Variants in DOCK10 observed in about 807,000 individuals in gnomAD.
DOCK10 encodes dedicator of cytokinesis protein 10.
In DOCK10, 145 loss-of-function variants were observed where a neutral mutation model predicts 280.1. The ratio of observed to expected loss-of-function variants is 0.52; its 90% CI spans 0.45 to 0.59. The LOEUF is 0.59. DOCK10 is among the 20% of genes least tolerant of loss of function. The probability of loss-of-function intolerance (pLI) is 0.00; values close to 1 mark genes in which losing one functional copy is unlikely to be tolerated. For synonymous variants in DOCK10, 915 were observed against 942.2 expected (o/e 0.97, Z 0.53); for missense variants, 2,368 against 2,651.7 (o/e 0.89, Z 2.35).
At chr2:224,785,636 A>G (rs1215812914) in intron 50 of DOCK10, among the ~76,000 whole-genome samples, 1 of 151,770 alleles carries the variant, frequency 6.6e-6, no homozygotes, top group South Asian at 2.1e-4. Flanking sequence ...GCCTGCCACC[A>G]CACCCGGCTA....
rs142217319 is a variant in DOCK10, at chr2:224,925,481, G to A, written c.243+6068C>T. On this transcript the variant is annotated intron_variant, in intron 2 of 55. Coordinates refer to ENST00000258390, the MANE Select transcript of DOCK10 (RefSeq NM_014689.3). ...ATTTGAGAAGATAATGAGACTCTTAGGTGACTGTAGTCATGTGACATAGAC... is the reference window on the plus strand; with the variant it reads ...ATTTGAGAAGATAATGAGACTCTTAAGTGACTGTAGTCATGTGACATAGAC... Among the ~76,000 whole-genome samples the A allele has an allele frequency of 4.2e-4, 64 of 152,300 alleles. 2 individuals carry two copies. Among genetic ancestry groups the A allele is most frequent in the Admixed American group, 1.8e-3 (28 of 15,298 alleles).
chr2:224,968,382 T>C (rs2126199054), intron 1 of DOCK10, among the ~76,000 whole-genome samples: 1 of 152,344 alleles, frequency 6.6e-6, no homozygotes, highest in African/African-American at 2.4e-5. Context: ...GTGTGGGGCC[T>C]GAGGAAGCTC....
At chr2:224,965,416 C>A (rs1032538008) in intron 1 of DOCK10, among the ~76,000 whole-genome samples, 1 of 152,206 alleles carries the variant, frequency 6.6e-6, no homozygotes, top group African/African-American at 2.4e-5. Context: ...CTGCAGTTAA[C>A]TTTTCTGCCT....
chr2:224,827,489 G>T (rs2125370483), intron 27 of DOCK10, among the ~76,000 whole-genome samples: 1 of 152,152 alleles, frequency 6.6e-6, no homozygotes, highest in South Asian at 2.1e-4. Flanking sequence ...CTGCTCACAG[G>T]TGTGTTTTGT....
At chr2:225,026,284 G>T (rs1018473886) in intron 1 of DOCK10, among the ~76,000 whole-genome samples, 1 of 152,206 alleles carries the variant, frequency 6.6e-6, no homozygotes, top group African/African-American at 2.4e-5. Context: ...AAGAACATTA[G>T]CAGCATTCTG....
At chr2:224,954,878 C>T (rs1370818587) in intron 1 of DOCK10, among the ~76,000 whole-genome samples, 2 of 152,170 alleles carry the variant, frequency 1.3e-5, no homozygotes, top group African/African-American at 4.8e-5. Flanking sequence ...GCATTCCGAG[C>T]TGAAGCAGAT....
At chr2:224,901,054 A>G (rs1046922586) in intron 3 of DOCK10, among the ~76,000 whole-genome samples, 1 of 152,200 alleles carries the variant, frequency 6.6e-6, no homozygotes, top group Non-Finnish European at 1.5e-5. Flanking sequence ...AAGCCAGTGC[A>G]TTTTACAAAC....
intron 47 of DOCK10, among the ~76,000 whole-genome samples, chr2:224,791,626 G>A (rs1338253929): frequency 1.5e-5 from 2 of 136,028 alleles, no homozygotes; most frequent in East Asian, 5.4e-4. Flanking sequence ...CACCACGCCC[G>A]GCTAATTTTT....
At chr2:224,922,593 T>C (rs1379050132) in intron 2 of DOCK10, among the ~76,000 whole-genome samples, 1 of 152,126 alleles carries the variant, frequency 6.6e-6, no homozygotes, top group Non-Finnish European at 1.5e-5. Context: ...TCAGACATCC[T>C]CCCTTGCAGC....
chr2:224,913,767 G>A (rs530101978), intron 3 of DOCK10, among the ~76,000 whole-genome samples: 6 of 151,492 alleles, frequency 4.0e-5, no homozygotes, highest in Admixed American at 6.6e-5. Flanking sequence ...TCCCTCTGTT[G>A]CCCAGGCTGG....
intron 1 of DOCK10, among the ~76,000 whole-genome samples, chr2:224,988,042 T>C (rs1423698601): frequency 2.6e-5 from 4 of 152,144 alleles, no homozygotes; most frequent in African/African-American, 4.8e-5. Context: ...AAGACCAACA[T>C]AGAGCCTGGC....
chr2:224,887,627 T>C (rs1231789347), intron 4 of DOCK10, among the ~76,000 whole-genome samples: 1 of 152,178 alleles, frequency 6.6e-6, no homozygotes, highest in Non-Finnish European at 1.5e-5. Flanking sequence ...TAAACTCCCA[T>C]GTATAAAAAT....
chr2:224,839,444 A>G (rs1416255126), intron 24 of DOCK10, among the ~76,000 whole-genome samples: 1 of 152,084 alleles, frequency 6.6e-6, no homozygotes, highest in Non-Finnish European at 1.5e-5. Flanking sequence ...CCTAAACTAG[A>G]GACACTCCAA....
chr2:224,874,427 C>A, intron 9 of DOCK10, 78 bp from the exon 10 acceptor site: 1 of 1,154,468 alleles, frequency 8.7e-7, no homozygotes, highest in Non-Finnish European at 1.3e-6. Flanking sequence ...GGCCAAGAAG[C>A]AGCCCCTTAG....
chr2:224,867,491 T>C (rs1018292944), intron 11 of DOCK10, among the ~76,000 whole-genome samples: 1 of 152,158 alleles, frequency 6.6e-6, no homozygotes, highest in Admixed American at 6.5e-5. Context: ...GTGGCTTTCC[T>C]CTTAACCTCT....
intron 1 of DOCK10, among the ~76,000 whole-genome samples, chr2:225,035,545 TATATATATATATATATATATATA>T (rs1690205449): frequency 2.6e-4 from 3 of 11,512 alleles, no homozygotes; most frequent in Admixed American, 7.3e-4. Context: ...ATATATATTA[TATATATATATATATATATATATA>T]TATATATATA....
In DOCK10 at chr2:224,774,899, A is replaced by T; in HGVS notation, c.6013+6T>A. On this transcript the variant is annotated splice_donor_region_variant and intron_variant, in intron 52 of 55. Coordinates refer to ENST00000258390, the MANE Select transcript of DOCK10 (RefSeq NM_014689.3). Reference sequence around the variant, plus strand: ...CCACATGTGTGGCCCGGCTACCTGCACCTACTTGTCAGGATCGTCCGCCGC... The same window carrying T: ...CCACATGTGTGGCCCGGCTACCTGCTCCTACTTGTCAGGATCGTCCGCCGC... The T allele has an allele frequency of 1.9e-6, 3 of 1,580,928 alleles. No homozygotes were observed. Among genetic ancestry groups the T allele is most frequent in the Non-Finnish European group, 2.6e-6 (3 of 1,162,678 alleles).
intron 1 of DOCK10, among the ~76,000 whole-genome samples, chr2:224,947,782 A>G (rs1703510311): frequency 6.6e-6 from 1 of 151,986 alleles, no homozygotes; most frequent in Admixed American, 6.5e-5. Context: ...CGGTTTATTT[A>G]TTTGTTTTAC....
chr2:224,853,242 G>T, intron 16 of DOCK10, 120 bp from the exon 17 acceptor site: 1 of 772,266 alleles, frequency 1.3e-6, no homozygotes, highest in African/African-American at 1.7e-5. Context: ...TACACCAATT[G>T]ATATTAGCTT....
Sources: allele counts gnomAD v4.1 joint callset (sites outside exome capture counted in the v4.1 genomes callset), GRCh38; gene constraint gnomAD v4.1.1; transcripts MANE v1.5; gene names NCBI Gene and HGNC (gene_info 2026-07-23, HGNC 2026-07-21).